Variants in TENM2 observed in about 807,000 individuals in gnomAD.
TENM2 encodes teneurin transmembrane protein 2, also known as teneurin-2.
In TENM2, 52 loss-of-function variants were observed where a neutral mutation model predicts 245.2. The observed-to-expected ratio is 0.21, with a 90% CI of 0.17 to 0.27. The LOEUF is 0.27. TENM2 is among the 10% of genes least tolerant of loss of function. The pLI is 1.00. For missense variants in TENM2, 3,046 were observed against 3,666.8 expected (o/e 0.83, Z 4.37); for synonymous variants, 1,363 against 1,438.9 (o/e 0.95, Z 1.19).
At chr5:167,570,003 G>A (rs1178492176) in intron 2 of TENM2, among the ~76,000 whole-genome samples, 6 of 152,150 alleles carry the variant, frequency 3.9e-5, no homozygotes, top group Non-Finnish European at 8.8e-5. Flanking sequence ...ATATACTTGT[G>A]GAGGACATGT....
the TENM2 span, among the ~76,000 whole-genome samples, chr5:167,031,475 A>G: frequency 2.6e-5 from 4 of 152,348 alleles, no homozygotes; most frequent in Admixed American, 2.0e-4. Flanking sequence ...TCATGGACGT[A>G]CATAATTACA....
chr5:167,759,664 A>C (rs569317965), intron 2 of TENM2, among the ~76,000 whole-genome samples: 3 of 152,140 alleles, frequency 2.0e-5, no homozygotes, highest in Non-Finnish European at 4.4e-5. Flanking sequence ...GCTCTAATCC[A>C]CCTGGGAGGG....
intron 24 of TENM2, among the ~76,000 whole-genome samples, chr5:168,226,629 T>G (rs1319294510): frequency 6.6e-6 from 1 of 152,168 alleles, no homozygotes; most frequent in African/African-American, 2.4e-5. Context: ...CAAAGGCCAT[T>G]TATTCTCCTG....
chr5:167,612,552 G>T (rs1484954517), intron 2 of TENM2, among the ~76,000 whole-genome samples: 1 of 152,040 alleles, frequency 6.6e-6, no homozygotes, highest in African/African-American at 2.4e-5. Context: ...AAACACTGCT[G>T]CATTTAAAAA....
rs1335210370 is a variant in TENM2, at chr5:167,375,010, CTTTT to C, written c.227-187_227-184del. ...CCTATCATCGATATTTACTTTCTTT[CTTTT>C]GTTTGTTTTTCAAAGGTATCCCACT... On this transcript the variant is annotated intron_variant, in intron 1 of 28. Transcript: ENST00000518659. 5.9e-5 allele frequency among the ~76,000 whole-genome samples: 9 copies of C among 152,200 alleles called. No homozygotes were observed. The East Asian group carries it at 1.5e-3, about 26-fold the overall frequency.
At chr5:168,027,298 C>T (rs1786711597) in intron 5 of TENM2, among the ~76,000 whole-genome samples, 1 of 152,164 alleles carries the variant, frequency 6.6e-6, no homozygotes, top group South Asian at 2.1e-4. Context: ...GTGCACAGGG[C>T]TTTCCCAGAA....
chr5:167,284,975 G>T, exon 1 of TENM2: 1 of 1,551,952 alleles, frequency 6.4e-7, no homozygotes, highest in South Asian at 1.2e-5. Context: ...GTGAGACTCT[G>T]AAGGCCTATG....
At chr5:167,077,461 C>A in the TENM2 span, among the ~76,000 whole-genome samples, 1 of 152,102 alleles carries the variant, frequency 6.6e-6, no homozygotes, top group Admixed American at 6.6e-5. Context: ...GGAGGAAAAA[C>A]GTATTTTGTC....
intron 2 of TENM2, among the ~76,000 whole-genome samples, chr5:167,700,326 C>A (rs538925595): frequency 1.2e-4 from 19 of 152,162 alleles, no homozygotes; most frequent in African/African-American, 4.3e-4. Context: ...TGGGGACCTG[C>A]TAAGTACTAG....
At chr5:167,995,708 G>A (rs753053921) in intron 5 of TENM2, among the ~76,000 whole-genome samples, 1 of 152,130 alleles carries the variant, frequency 6.6e-6, no homozygotes, top group African/African-American at 2.4e-5. Context: ...GGTTATTTAC[G>A]TGCAGAAACT....
chr5:167,004,278 A>G, the TENM2 span, among the ~76,000 whole-genome samples: 1 of 152,194 alleles, frequency 6.6e-6, no homozygotes, highest in Non-Finnish European at 1.5e-5. Context: ...CATTGGAACA[A>G]TATAAAATTG....
At chr5:167,143,274 C>T in the TENM2 span, among the ~76,000 whole-genome samples, 1 of 152,168 alleles carries the variant, frequency 6.6e-6, no homozygotes, top group Admixed American at 6.5e-5. Flanking sequence ...GTTTGCTTGG[C>T]AAGAATGTCC....
chr5:167,692,808 T>C (rs1354008175), intron 2 of TENM2, among the ~76,000 whole-genome samples: 1 of 152,220 alleles, frequency 6.6e-6, no homozygotes, highest in African/African-American at 2.4e-5. Context: ...CTTTGGGCTT[T>C]CTTCTAGAAT....
chr5:167,529,729 A>C (rs938853342), intron 2 of TENM2, among the ~76,000 whole-genome samples: 2 of 152,168 alleles, frequency 1.3e-5, no homozygotes, highest in Admixed American at 1.3e-4. Flanking sequence ...GTAAAGGTAA[A>C]TTTTACAGAT....
chr5:168,262,540 C>T lies in TENM2; in HGVS notation c.8055C>T (p.Pro2685=), dbSNP rs549156299. ...TCAGCATCCGCTATGGCCTCACCCC[C>T]GACACCCTGGACGAAGAGAAGGCCC... The change falls in exon 29 of 29, where the codon CCC becomes CCT. Residue 2685 remains proline, a synonymous_variant. Transcript: ENST00000518659. 1.7e-5 allele frequency: 27 copies of T among 1,557,268 alleles called. No homozygotes were observed. The East Asian group carries it at 3.2e-4, about 18-fold the overall frequency.
chr5:167,689,818 A>G (rs980946716), intron 2 of TENM2, among the ~76,000 whole-genome samples: 1 of 151,772 alleles, frequency 6.6e-6, no homozygotes, highest in African/African-American at 2.4e-5. Flanking sequence ...CTGGAGTGCA[A>G]TGGAGCAATT....
chr5:168,024,465 G>A lies in TENM2; in HGVS notation c.1187-22962G>A, dbSNP rs563881956. ...CTCAGCCTTTTAACTGTGAAATTCA[G>A]TTGGGGAGTTTCGAAGCAGCAGGTA... On this transcript the variant is annotated intron_variant, in intron 5 of 28. Transcript: ENST00000518659. Among the ~76,000 whole-genome samples, 9 of 152,202 alleles carry A rather than the reference G, an allele frequency of 5.9e-5. 1 individual carries two copies. The South Asian group carries it at 1.9e-3, about 31-fold the overall frequency.
intron 5 of TENM2, among the ~76,000 whole-genome samples, chr5:168,012,685 G>C (rs902401966): frequency 6.0e-5 from 9 of 149,788 alleles, no homozygotes; most frequent in Non-Finnish European, 1.2e-4. Context: ...GAAGGTGAGG[G>C]GGCAATTCCA....
intron 2 of TENM2, among the ~76,000 whole-genome samples, chr5:167,701,487 G>A (rs1374817692): frequency 1.3e-5 from 2 of 151,696 alleles, no homozygotes; most frequent in African/African-American, 2.4e-5. Flanking sequence ...ACCTTCTCAC[G>A]TTCCAGTGAG....
Sources: allele counts gnomAD v4.1 joint callset (sites outside exome capture counted in the v4.1 genomes callset), GRCh38; gene constraint gnomAD v4.1.1; transcripts MANE v1.5; gene names NCBI Gene and HGNC (gene_info 2026-07-23, HGNC 2026-07-21).